MYO3A: variants seen among roughly 807,000 people sequenced by gnomAD.
The protein encoded by MYO3A is myosin-IIIa.
Under a neutral mutation model 192.7 loss-of-function variants are expected in MYO3A, and 180 were observed. The observed-to-expected ratio is 0.93, with a 90% CI of 0.83 to 1.06. The LOEUF is 1.06. Ranked by LOEUF, MYO3A falls within the 50% of genes least tolerant of loss-of-function variation. MYO3A has a pLI of 0.00. For synonymous variants in MYO3A, 628 were observed against 645.3 expected (o/e 0.97, Z 0.41); for missense variants, 1,896 against 1,905.0 (o/e 1.00, Z 0.09).
chr10:25,979,799 C>T (rs1284296291), intron 4 of MYO3A, among the ~76,000 whole-genome samples: 1 of 152,132 alleles, frequency 6.6e-6, no homozygotes, highest in Non-Finnish European at 1.5e-5. Flanking sequence ...GGGGGCCTTT[C>T]CTGTGCACTG....
chr10:26,165,227 G>A (rs1353857054), intron 26 of MYO3A, among the ~76,000 whole-genome samples: 2 of 152,148 alleles, frequency 1.3e-5, no homozygotes, highest in Non-Finnish European at 2.9e-5. Flanking sequence ...TGCTCTGCAT[G>A]TCACCGTGCC....
intron 22 of MYO3A, among the ~76,000 whole-genome samples, 169 bp downstream of exon 22, chr10:26,145,703 C>G (rs1840421807): frequency 6.6e-6 from 1 of 152,192 alleles, no homozygotes; most frequent in Non-Finnish European, 1.5e-5. Flanking sequence ...TGTAATCCAT[C>G]CTGTCCTTTG....
intron 17 of MYO3A, among the ~76,000 whole-genome samples, chr10:26,101,190 T>C (rs576199090): frequency 1.3e-5 from 2 of 152,352 alleles, no homozygotes; most frequent in South Asian, 4.1e-4. Flanking sequence ...TAGTTTACAG[T>C]CTGTTTTATC....
chr10:26,073,897 C>T lies in MYO3A; in HGVS notation c.1359+3496C>T, dbSNP rs1026958591. On this transcript the variant is annotated intron_variant, in intron 14 of 34. Coordinates refer to ENST00000642920, the MANE Select transcript of MYO3A (RefSeq NM_017433.5). ...AAGGAATTATCCTATATGTAGACTG[C>T]GATGGGGATTACATGATGGCACATG... Among the ~76,000 whole-genome samples, 57 of 151,684 alleles carry T rather than the reference C, an allele frequency of 3.8e-4. 1 individual carries two copies. Among genetic ancestry groups the T allele is most frequent in the Admixed American group, 6.6e-5 (1 of 15,218 alleles).
chr10:25,995,512 C>T (rs1045214853), intron 4 of MYO3A, among the ~76,000 whole-genome samples: 1 of 152,240 alleles, frequency 6.6e-6, no homozygotes, highest in Non-Finnish European at 1.5e-5. Context: ...AATCATCAGT[C>T]ATTCTCCATC....
chr10:25,935,423 AC>A (rs1314990709), intron 1 of MYO3A, among the ~76,000 whole-genome samples: 9 of 151,856 alleles, frequency 5.9e-5, no homozygotes, highest in African/African-American at 2.2e-4. Context: ...GTTTTTGAAA[AC>A]TCAAAAGAAT....
At chr10:25,968,548 G>A (rs907651287) in intron 4 of MYO3A, among the ~76,000 whole-genome samples, 5 of 152,076 alleles carry the variant, frequency 3.3e-5, no homozygotes, top group African/African-American at 4.8e-5. Flanking sequence ...AAGAAAAAAC[G>A]CTTTTTAGAA....
chr10:26,047,983 A>C (rs1843730333), intron 10 of MYO3A, among the ~76,000 whole-genome samples: 1 of 151,912 alleles, frequency 6.6e-6, no homozygotes, highest in South Asian at 2.1e-4. Flanking sequence ...CTCTAAATAC[A>C]TTTTTGTCAT....
intron 10 of MYO3A, among the ~76,000 whole-genome samples, chr10:26,059,107 A>G (rs1185660503): frequency 1.3e-5 from 2 of 152,126 alleles, no homozygotes; most frequent in Admixed American, 1.3e-4. Context: ...CAGATTTTCA[A>G]CATAAACAAT....
chr10:26,015,052 G>A (rs1841911258), intron 6 of MYO3A, among the ~76,000 whole-genome samples: 1 of 152,156 alleles, frequency 6.6e-6, no homozygotes, highest in African/African-American at 2.4e-5. Flanking sequence ...AATAGCCCAG[G>A]AAGCCTTGTT....
At chr10:25,967,052 G>C (rs12257094) in intron 4 of MYO3A, among the ~76,000 whole-genome samples, 14,526 of 152,180 alleles carry the variant, frequency 0.095, 1,222 homozygotes, top group African/African-American at 0.22. Flanking sequence ...CAAAGCAACT[G>C]TTGCTGCACT....
chr10:26,102,098 T>C lies in MYO3A; in HGVS notation c.1776+5416T>C, dbSNP rs549011367. On this transcript the variant is annotated intron_variant, in intron 17 of 34. Coordinates refer to ENST00000642920, the MANE Select transcript of MYO3A (RefSeq NM_017433.5). ...TTTCTTGGAAGCTTTGTTTGTTTCT[T>C]TTTACTCTTTTTTCTCTAAACTTCT... 2.0e-5 allele frequency among the ~76,000 whole-genome samples: 3 copies of C among 152,310 alleles called. No homozygotes were observed. The East Asian group carries it at 5.8e-4, about 29-fold the overall frequency.
Position 26,070,137 on chromosome 10 carries a change from G to A in MYO3A, c.1197G>A (p.Lys399=), listed in dbSNP as rs762738257. The change falls in exon 13 of 35, where the codon AAG becomes AAA. Residue 399 remains lysine, a synonymous_variant. Coordinates refer to ENST00000642920, the MANE Select transcript of MYO3A (RefSeq NM_017433.5). ...TKHSKLYIGS[K]RTASPPHIFA... ...ATTCCAAACTATATATTGGATCAAA[G>A]AGAACTGCCAGTCCTCCTCACATTT... 1 of 1,611,420 alleles carries A rather than the reference G, an allele frequency of 6.2e-7. No individual in the cohort carries two copies. The highest frequency in any genetic ancestry group is 1.1e-5 in the South Asian group (1 of 90,980).
At chr10:26,103,139 T>G (rs1379784051) in intron 17 of MYO3A, among the ~76,000 whole-genome samples, 1 of 152,216 alleles carries the variant, frequency 6.6e-6, no homozygotes, top group East Asian at 1.9e-4. Context: ...AATCTCAGAC[T>G]GCTGTGCTAG....
intron 4 of MYO3A, among the ~76,000 whole-genome samples, chr10:25,966,114 G>C (rs1007697902): frequency 6.6e-6 from 1 of 151,976 alleles, no homozygotes; most frequent in Non-Finnish European, 1.5e-5. Context: ...GGTGGGACTG[G>C]GATAATGGGT....
intron 14 of MYO3A, among the ~76,000 whole-genome samples, chr10:26,074,122 A>G (rs1835383677): frequency 6.6e-6 from 1 of 152,164 alleles, no homozygotes; most frequent in South Asian, 2.1e-4. Flanking sequence ...GCCTGTAAAA[A>G]TTTTTATTAT....
Position 26,173,928 on chromosome 10 carries a change from G to A in MYO3A, c.3664G>A (p.Glu1222Lys). 1 of 1,612,810 alleles carries A rather than the reference G, an allele frequency of 6.2e-7. No homozygotes were observed. Among genetic ancestry groups the A allele is most frequent in the South Asian group, 1.1e-5 (1 of 90,672 alleles). ...CAAACAGAAGTCTGTCAAAGACCTGGAAGAGAACAGCAATCTAAGGAAAGT... is the reference window on the plus strand; with the variant it reads ...CAAACAGAAGTCTGTCAAAGACCTGAAAGAGAACAGCAATCTAAGGAAAGT... Reference protein sequence around the residue: ...SPKQKSVKDLEENSNLRKVEK... With the variant: ...SPKQKSVKDLKENSNLRKVEK... Residue 1222 changes from glutamate (E) to lysine (K), a missense_variant, in exon 30 of 35, where the codon GAA (glutamate) becomes AAA (lysine). Coordinates refer to ENST00000642920, the MANE Select transcript of MYO3A (RefSeq NM_017433.5).
rs187290817 is a variant in MYO3A at position 26,125,623 on chromosome 10, A to G, written c.2114+15A>G. On this transcript the variant is annotated intron_variant, in intron 19 of 34. Transcript: ENST00000642920. ...TCATCACCAAGGTAAAAATTTTTAC[A>G]GAAACATTTTTTTCCCAAATGTCAG... is the stretch of plus-strand genomic sequence containing the variant. The G allele has an allele frequency of 3.4e-5, 54 of 1,608,276 alleles. 1 individual carries two copies. The East Asian group carries it at 1.2e-3, about 35-fold the overall frequency.
At chr10:26,065,645 T>G (rs563606575) in intron 10 of MYO3A, among the ~76,000 whole-genome samples, 13 of 142,318 alleles carry the variant, frequency 9.1e-5, no homozygotes, top group African/African-American at 3.4e-4. Context: ...ATTTTTACTA[T>G]AAAGCAAAGA....
Sources: allele counts gnomAD v4.1 joint callset (sites outside exome capture counted in the v4.1 genomes callset), GRCh38; gene constraint gnomAD v4.1.1; transcripts MANE v1.5; gene names NCBI Gene and HGNC (gene_info 2026-07-23, HGNC 2026-07-21).